The following ROPN1B variants were observed in gnomAD, a reference collection of about 807,000 sequenced individuals.
ROPN1B encodes ropporin-1B.
In ROPN1B, 13 loss-of-function variants were observed where a neutral mutation model predicts 23.7. The observed-to-expected ratio is 0.55, with a 90% CI of 0.36 to 0.87. The LOEUF is 0.87. Ranked by LOEUF, ROPN1B falls within the 40% of genes least tolerant of loss-of-function variation. The pLI, the probability that ROPN1B is intolerant of heterozygous loss-of-function variation, is 0.01. For missense variants in ROPN1B, 183 were observed against 249.2 expected, an observed-to-expected ratio of 0.73 and a Z score of 1.79; for synonymous variants, 67 against 100.4, an observed-to-expected ratio of 0.67 and a Z score of 1.99.
intron 3 of ROPN1B, chr3:125,972,381 C>A: frequency 1.7e-6 from 1 of 594,852 alleles, no homozygotes; most frequent in Non-Finnish European, 3.0e-6. Flanking sequence ...CCTAAGCGAG[C>A]CAGATTGAGC....
Position 125,972,098 on chromosome 3 carries a change from C to A in ROPN1B, c.44C>A (p.Pro15Gln), listed in dbSNP as rs753416048. Residue 15 changes from proline to glutamine, a missense_variant, in exon 3 of 7, where the codon CCG becomes CAG. Physicochemically the swap from Pro to Gln is moderately conservative, Grantham distance 76. Around this residue, in one of 3 missense-constraint regions of ROPN1B, gnomAD observed 97 missense variants for 99.6 expected, o/e 0.97. Transcript: ENST00000514116. ...CCAACATGCATCCCGCCGGAGCTGC[C>A]GAAAATGCTGAAGGAGTTTGCCAAA... ...DKPTCIPPEL[P>Q]KMLKEFAKAA... The A allele has an allele frequency of 4.3e-6, 7 of 1,614,192 alleles. No individual in the cohort carries two copies. The highest frequency in any genetic ancestry group is 1.7e-5 in the Admixed American group (1 of 60,028).
At chr3:125,979,699 A>G (rs1938544123) in intron 5 of ROPN1B, among the ~76,000 whole-genome samples, 1 of 152,216 alleles carries the variant, frequency 6.6e-6, no homozygotes, top group East Asian at 1.9e-4. Flanking sequence ...GTTAATTCAT[A>G]TATCCTTAGA....
At chr3:125,976,353 A>C (rs1340989600) in intron 4 of ROPN1B, among the ~76,000 whole-genome samples, 1 of 152,220 alleles carries the variant, frequency 6.6e-6, no homozygotes, top group Non-Finnish European at 1.5e-5. Flanking sequence ...GGAGCACTTC[A>C]TCGGGCATCT....
intron 5 of ROPN1B, among the ~76,000 whole-genome samples, chr3:125,980,486 C>T (rs1336376396): frequency 6.6e-6 from 1 of 152,130 alleles, no homozygotes; most frequent in Non-Finnish European, 1.5e-5. Flanking sequence ...TTAAAAATGG[C>T]CAGCTTCTCG....
intron 3 of ROPN1B, 55 bp from the exon 4 acceptor site, chr3:125,975,508 G>C (rs1024313599): frequency 3.5e-5 from 52 of 1,505,396 alleles, no homozygotes; most frequent in Admixed American, 1.2e-4. Context: ...TGCTAGAACA[G>C]CCAGAGGCCA....
intron 3 of ROPN1B, 23 bp downstream of exon 3, chr3:125,972,193 C>T: frequency 6.2e-7 from 1 of 1,612,592 alleles, no homozygotes; most frequent in Non-Finnish European, 8.5e-7. Context: ...TTCTCGCCTT[C>T]ATCTCTTGGA....
intron 3 of ROPN1B, chr3:125,973,889 C>T (rs1208857176): frequency 6.5e-6 from 1 of 153,654 alleles, no homozygotes; most frequent in African/African-American, 2.4e-5. Flanking sequence ...AAGAATTTCC[C>T]TACATATGTG....
chr3:125,971,475 G>A (rs1938202214), intron 2 of ROPN1B, among the ~76,000 whole-genome samples: 1 of 152,140 alleles, frequency 6.6e-6, no homozygotes, highest in African/African-American at 2.4e-5. Flanking sequence ...GAAAATGTAC[G>A]AGTTTTCCGC....
intron 3 of ROPN1B, chr3:125,972,884 T>G (rs1938268305): frequency 2.7e-6 from 1 of 369,008 alleles, no homozygotes; most frequent in Non-Finnish European, 5.3e-6. Context: ...GGGTGCCTTC[T>G]TTCAGGAGAG....
chr3:125,973,563 G>GT (rs1553716952), intron 3 of ROPN1B: 1 of 161,996 alleles, frequency 6.2e-6, no homozygotes, highest in Non-Finnish European at 1.4e-5. Context: ...TTGTGCTGCC[G>GT]TTTTATAGTA....
intron 3 of ROPN1B, among the ~76,000 whole-genome samples, chr3:125,974,691 T>A (rs901551108): frequency 6.6e-6 from 1 of 152,092 alleles, no homozygotes; most frequent in Non-Finnish European, 1.5e-5. Flanking sequence ...GAAACAGAAC[T>A]CAGTACTTGT....
chr3:125,981,921 G>A (rs1390801384), intron 5 of ROPN1B, among the ~76,000 whole-genome samples: 3 of 151,978 alleles, frequency 2.0e-5, no homozygotes, highest in Admixed American at 1.3e-4. Flanking sequence ...AAGATTGGAG[G>A]GTAATAAGAA....
chr3:125,980,458 G>T (rs984316036), intron 5 of ROPN1B, among the ~76,000 whole-genome samples: 1 of 152,174 alleles, frequency 6.6e-6, no homozygotes, highest in Non-Finnish European at 1.5e-5. Context: ...GCTTTCTTCT[G>T]AGACGTTTCT....
At chr3:125,978,706 C>T (rs1481458709) in intron 5 of ROPN1B, among the ~76,000 whole-genome samples, 3 of 152,148 alleles carry the variant, frequency 2.0e-5, no homozygotes, top group South Asian at 2.1e-4. Flanking sequence ...GGATGCCTCC[C>T]GAGCTGGCTC....
intron 5 of ROPN1B, among the ~76,000 whole-genome samples, chr3:125,978,304 A>AT (rs1490188072): frequency 6.6e-6 from 1 of 152,164 alleles, no homozygotes; most frequent in Non-Finnish European, 1.5e-5. Flanking sequence ...AGGTTTACAG[A>AT]TTTTTTTCAC....
At chr3:125,971,971 C>T in intron 2 of ROPN1B, 72 bp from the exon 3 acceptor site, 1 of 1,402,404 alleles carries the variant, frequency 7.1e-7, no homozygotes, top group African/African-American at 1.4e-5. Context: ...GGCTGGGTGA[C>T]CTCCTGTCCA....
chr3:125,971,067 A>G (rs1327411652), intron 1 of ROPN1B, 50 bp from the exon 2 acceptor site: 7 of 153,574 alleles, frequency 4.6e-5, no homozygotes, highest in African/African-American at 9.7e-5. Flanking sequence ...TTTAGTCCAG[A>G]CATTTGCCTT....
chr3:125,977,921 C>T (rs1435621964), intron 5 of ROPN1B: 1 of 152,358 alleles, frequency 6.6e-6, no homozygotes, highest in Non-Finnish European at 1.5e-5. Context: ...ATAATTGCCT[C>T]TGCCAAAAAC....
intron 5 of ROPN1B, among the ~76,000 whole-genome samples, chr3:125,981,811 C>G (rs76053087): frequency 0.021 from 3,135 of 152,220 alleles, 68 homozygotes; most frequent in Non-Finnish European, 0.025. Context: ...TCCTGGGACT[C>G]TATTTTCCTG....
Sources: gnomAD v4.1 joint callset for allele counts (sites outside exome capture counted in the v4.1 genomes callset) on GRCh38, gnomAD v4.1.1 for gene constraint, gnomAD v4.1.1 regional missense constraint, MANE v1.5 for transcripts, NCBI Gene and HGNC (gene_info 2026-07-23, HGNC 2026-07-21) for gene names.